The following DPP10 variants were observed in gnomAD, a reference collection of about 807,000 sequenced individuals.
The protein encoded by DPP10 is dipeptidyl peptidase like 10.
In DPP10, 33 loss-of-function variants were observed where a neutral mutation model predicts 120.9. That is an observed-to-expected ratio of 0.27 (90% CI 0.21 to 0.37). The LOEUF (loss-of-function observed/expected upper bound fraction) is 0.37. Ranked by LOEUF, DPP10 falls within the 10% of genes least tolerant of loss-of-function variation. The probability of loss-of-function intolerance (pLI) is 1.00; values close to 1 mark genes in which losing one functional copy is unlikely to be tolerated. For synonymous variants in DPP10, 337 were observed against 326.1 expected (o/e 1.03, Z -0.36); for missense variants, 816 against 942.8 (o/e 0.87, Z 1.76).
At chr2:114,848,605 G>T (rs1688718460) in intron 1 of DPP10, among the ~76,000 whole-genome samples, 1 of 152,160 alleles carries the variant, frequency 6.6e-6, no homozygotes, top group Non-Finnish European at 1.5e-5. Flanking sequence ...GATACGACTA[G>T]GACTTTCATT....
chr2:115,498,617 A>T (rs938047017), intron 3 of DPP10, among the ~76,000 whole-genome samples: 3 of 151,156 alleles, frequency 2.0e-5, no homozygotes, highest in African/African-American at 7.3e-5. Flanking sequence ...AATTGGGTAA[A>T]AAGATTATGA....
At chr2:114,750,922 A>G (rs137973409) in intron 1 of DPP10, among the ~76,000 whole-genome samples, 98 of 152,364 alleles carry the variant, frequency 6.4e-4, no homozygotes, top group African/African-American at 2.3e-3. Flanking sequence ...CATTCTGAAT[A>G]TTAAAACCTA....
At chr2:115,377,438 C>T (rs1308225090) in intron 3 of DPP10, among the ~76,000 whole-genome samples, 1 of 151,984 alleles carries the variant, frequency 6.6e-6, no homozygotes, top group Non-Finnish European at 1.5e-5. Flanking sequence ...GTTCATTGTA[C>T]ATTCTGGATA....
chr2:115,814,595 A>T (rs1027264440), intron 19 of DPP10, 198 bp from the exon 20 acceptor site: 3 of 394,684 alleles, frequency 7.6e-6, no homozygotes, highest in African/African-American at 6.1e-5. Flanking sequence ...GAACTTTTCA[A>T]TTACAGTTTT....
At chr2:115,053,875 T>A (rs1273927650) in intron 1 of DPP10, among the ~76,000 whole-genome samples, 2 of 152,196 alleles carry the variant, frequency 1.3e-5, no homozygotes, top group East Asian at 3.9e-4. Context: ...ATACAAATAT[T>A]TCTTGTTTAG....
chr2:115,097,649 T>G (rs2048468026), intron 1 of DPP10, among the ~76,000 whole-genome samples: 1 of 152,228 alleles, frequency 6.6e-6, no homozygotes, highest in Non-Finnish European at 1.5e-5. Context: ...TTTCAAGGAA[T>G]GTAGGGCTTC....
chr2:115,016,805 C>T (rs966020620), intron 1 of DPP10, among the ~76,000 whole-genome samples: 4 of 152,036 alleles, frequency 2.6e-5, no homozygotes, highest in Admixed American at 1.3e-4. Flanking sequence ...TTGGAACCAA[C>T]CCAAATGTCC....
chr2:114,485,462 G>GTT (rs199626722), intron 1 of DPP10, among the ~76,000 whole-genome samples: 4,242 of 137,120 alleles, frequency 0.031, 224 homozygotes, highest in African/African-American at 0.1. Flanking sequence ...AGGAAAAACT[G>GTT]TTTTTTTTTT....
At chr2:115,640,957 T>A (rs2086729122) in intron 5 of DPP10, among the ~76,000 whole-genome samples, 1 of 152,216 alleles carries the variant, frequency 6.6e-6, no homozygotes, top group African/African-American at 2.4e-5. Context: ...TATCATTCTT[T>A]CCATATCTTG....
chr2:114,852,952 T>C (rs1397216455), intron 1 of DPP10, among the ~76,000 whole-genome samples: 5 of 152,194 alleles, frequency 3.3e-5, no homozygotes. Flanking sequence ...TATTTTGTGA[T>C]AAAAATTCCG....
intron 2 of DPP10, among the ~76,000 whole-genome samples, chr2:115,320,471 T>G (rs1465526123): frequency 1.3e-5 from 2 of 152,026 alleles, no homozygotes; most frequent in East Asian, 3.9e-4. Context: ...TGCCCTTCTT[T>G]GATCTCTTCT....
chr2:115,832,852 A>C (rs1332704076), intron 21 of DPP10, among the ~76,000 whole-genome samples: 2 of 152,066 alleles, frequency 1.3e-5, no homozygotes, highest in South Asian at 2.1e-4. Context: ...GGCTGGGACT[A>C]AGAAGATGTT....
At chr2:115,721,484 A>G (rs553262588) in intron 7 of DPP10, among the ~76,000 whole-genome samples, 1 of 152,348 alleles carries the variant, frequency 6.6e-6, no homozygotes, top group African/African-American at 2.4e-5. Context: ...TATAATTTAC[A>G]TACATAAACT....
chr2:115,705,375 A>G (rs775400029), intron 7 of DPP10, among the ~76,000 whole-genome samples: 13 of 152,066 alleles, frequency 8.5e-5, no homozygotes, highest in Non-Finnish European at 1.5e-4. Context: ...TATGATAAGC[A>G]TACACAAATA....
chr2:114,863,524 C>G (rs1329814735), intron 1 of DPP10, among the ~76,000 whole-genome samples: 2 of 152,184 alleles, frequency 1.3e-5, no homozygotes, highest in South Asian at 2.1e-4. Context: ...TCTCCACTAC[C>G]AGATCTCCTT....
At chr2:114,584,867 T>A (rs1690823427) in intron 1 of DPP10, among the ~76,000 whole-genome samples, 1 of 152,036 alleles carries the variant, frequency 6.6e-6, no homozygotes, top group African/African-American at 2.4e-5. Flanking sequence ...AGCACCACCA[T>A]GAAGACTTGA....
chr2:114,630,600 A>G (rs1198233233), intron 1 of DPP10, among the ~76,000 whole-genome samples: 2 of 152,128 alleles, frequency 1.3e-5, no homozygotes, highest in Non-Finnish European at 2.9e-5. Context: ...ATAGCTGCCA[A>G]CCACATCCAG....
chr2:115,610,490 AGTGT>A (rs751694854), intron 5 of DPP10, among the ~76,000 whole-genome samples: 11 of 31,194 alleles, frequency 3.5e-4, no homozygotes, highest in African/African-American at 1.1e-3. Flanking sequence ...AAGCAGTATG[AGTGT>A]GTGTGTGTGT....
intron 3 of DPP10, among the ~76,000 whole-genome samples, chr2:115,461,864 AT>A (rs1288476222): frequency 6.6e-6 from 1 of 152,108 alleles, no homozygotes; most frequent in East Asian, 1.9e-4. Context: ...TATAGAGTTA[AT>A]TCCAGGCTTG....
Sources: gnomAD v4.1 joint callset for allele counts (sites outside exome capture counted in the v4.1 genomes callset) on GRCh38, gnomAD v4.1.1 for gene constraint, MANE v1.5 for transcripts, NCBI Gene and HGNC (gene_info 2026-07-23, HGNC 2026-07-21) for gene names.